RABGAP1: variants seen among roughly 807,000 people sequenced by gnomAD.
RABGAP1 encodes the protein rab GTPase-activating protein 1.
In RABGAP1, 23 loss-of-function variants were observed where a neutral mutation model predicts 137.6. The ratio of observed to expected loss-of-function variants is 0.17; its 90% confidence interval spans 0.12 to 0.24. RABGAP1 has a LOEUF of 0.24. RABGAP1 is among the 10% of genes least tolerant of loss of function. The pLI is 1.00. For synonymous variants in RABGAP1, 451 were observed against 450.7 expected, an observed-to-expected ratio of 1.00 and a Z score of -0.01; for missense variants, 906 against 1,275.8, an observed-to-expected ratio of 0.71 and a Z score of 4.42.
intron 13 of RABGAP1, among the ~76,000 whole-genome samples, chr9:123,043,678 A>G (rs1228309606): frequency 6.6e-6 from 1 of 152,082 alleles, no homozygotes; most frequent in Non-Finnish European, 1.5e-5. Flanking sequence ...CTACAGTAGC[A>G]TCTTCCATAG....
At position 122,954,919 on chromosome 9, in the gene RABGAP1, CAAATT is replaced by C. The variant is rs531052937; in HGVS notation, c.-49-2088_-49-2084del. Among the ~76,000 whole-genome samples the C allele has an allele frequency of 7.4e-4, 113 of 152,182 alleles. 2 individuals are homozygous for C. Among genetic ancestry groups the C allele is most frequent in the Admixed American group, 2.1e-3 (32 of 15,278 alleles). On this transcript the variant is annotated intron_variant, in intron 1 of 25. Coordinates refer to ENST00000373647, the MANE Select transcript of RABGAP1 (RefSeq NM_012197.4). ...CCTCATTTTTGAAATAGAGATGTGA[CAAATT>C]AAAAGGCACTCACCATTAAATTATA...
intron 2 of RABGAP1, among the ~76,000 whole-genome samples, chr9:122,974,882 TAAAG>T (rs1301992905): frequency 6.6e-6 from 1 of 152,200 alleles, no homozygotes; most frequent in East Asian, 1.9e-4. Flanking sequence ...AAGTAAATCA[TAAAG>T]AAATTTACTG....
At chr9:123,022,453 G>A (rs2031698664) in intron 13 of RABGAP1, among the ~76,000 whole-genome samples, 1 of 152,058 alleles carries the variant, frequency 6.6e-6, no homozygotes, top group Non-Finnish European at 1.5e-5. Flanking sequence ...CCTGGCTAGA[G>A]TGCAGTGCAG....
intron 11 of RABGAP1, among the ~76,000 whole-genome samples, chr9:123,014,116 C>T (rs986359395): frequency 2.6e-5 from 4 of 152,096 alleles, no homozygotes; most frequent in African/African-American, 7.2e-5. Context: ...ATCCTGATTC[C>T]GTTTGTAGCA....
chr9:123,005,503 G>T (rs561504105), intron 10 of RABGAP1, among the ~76,000 whole-genome samples: 50 of 152,172 alleles, frequency 3.3e-4, no homozygotes, highest in African/African-American at 1.2e-3. Flanking sequence ...ATAAAAATTA[G>T]CATACTCCAT....
In RABGAP1 at chr9:122,984,609, G is replaced by T; in HGVS notation, c.275G>T (p.Gly92Val). 1.9e-6 allele frequency: 3 copies of T among 1,614,192 alleles called. No homozygotes were observed. The highest frequency in any genetic ancestry group is 2.5e-6 in the Non-Finnish European group (3 of 1,180,038). Residue 92 changes from glycine (G) to valine (V), a missense_variant, in exon 3 of 26, where the codon GGA (glycine) becomes GTA (valine). Transcript: ENST00000373647. ...AAAAGGTCACAACTGGATGGTGAAG[G>T]AGATGGGCCTCTTTCTAATCAGCTC... ...LVKRSQLDGE[G>V]DGPLSNQLSA...
chr9:122,942,987 G>A (rs1833685999), intron 1 of RABGAP1, among the ~76,000 whole-genome samples: 1 of 151,598 alleles, frequency 6.6e-6, no homozygotes, highest in Admixed American at 6.6e-5. Flanking sequence ...ACTCTAGCCT[G>A]GGTAACACAG....
At chr9:123,039,944 G>T (rs532456184) in intron 13 of RABGAP1, among the ~76,000 whole-genome samples, 186 of 152,220 alleles carry the variant, frequency 1.2e-3, no homozygotes, top group Non-Finnish European at 1.9e-3. Context: ...CCAGAAAGAA[G>T]TATTTCCTTG....
intron 10 of RABGAP1, among the ~76,000 whole-genome samples, chr9:123,006,885 A>T (rs2030325031): frequency 6.6e-6 from 1 of 152,222 alleles, no homozygotes; most frequent in African/African-American, 2.4e-5. Flanking sequence ...CTGGGATTAC[A>T]GGCGTGAGCC....
chr9:122,935,823 T>G, the RABGAP1 span, among the ~76,000 whole-genome samples: 2 of 152,232 alleles, frequency 1.3e-5, no homozygotes, highest in Non-Finnish European at 2.9e-5. Flanking sequence ...TGTCGGTTTC[T>G]CTTTAGCATT....
At chr9:123,008,833 C>A (rs1241115012) in intron 10 of RABGAP1, among the ~76,000 whole-genome samples, 1 of 151,964 alleles carries the variant, frequency 6.6e-6, no homozygotes, top group African/African-American at 2.4e-5. Context: ...AAGAATGTTA[C>A]AAAAAGATTA....
intron 2 of RABGAP1, among the ~76,000 whole-genome samples, chr9:122,973,018 T>C (rs906703022): frequency 5.3e-5 from 8 of 151,678 alleles, no homozygotes; most frequent in Admixed American, 6.6e-5. Context: ...CTTTTTTTTT[T>C]AACCTAGTCA....
Position 123,065,449 on chromosome 9 carries a change from T to C in RABGAP1, c.1896T>C (p.Tyr632=), listed in dbSNP as rs2034137678. 5.0e-6 allele frequency: 8 copies of C among 1,598,146 alleles called. No individual in the cohort carries two copies. Among genetic ancestry groups the C allele is most frequent in the Non-Finnish European group, 6.9e-6 (8 of 1,166,272 alleles). ...GAGGAGATGGACAAGATTCCTTATA[T>C]AAAATATGCAAGGTATTTCATGTCA... is the stretch of plus-strand genomic sequence containing the variant. The part of the protein sequence containing the change: ...DTGGDGQDSL[Y]KICKAYSVYD... Residue 632 remains tyrosine (Y), a synonymous_variant, in exon 14 of 26, where the codon TAT becomes TAC. Coordinates refer to ENST00000373647, the MANE Select transcript of RABGAP1 (RefSeq NM_012197.4).
rs570739708 is a variant in RABGAP1 at position 123,065,247 on chromosome 9, G to C, written c.1795-101G>C. The C allele has an allele frequency of 4.4e-4, 361 of 824,210 alleles. 6 individuals carry two copies. In the South Asian group the frequency reaches 5.8e-3, roughly 13 times the overall value. 51.1% of individuals were successfully genotyped at this position (824,210 alleles called of 1,614,324 possible). On this transcript the variant is annotated intron_variant, in intron 13 of 25. Coordinates refer to ENST00000373647, the MANE Select transcript of RABGAP1 (RefSeq NM_012197.4). ...CATACATATGTGTATGTATGTCCCT[G>C]CAACATTTAAAGTGTGTAAATGAGA...
rs1232869657 is a variant in RABGAP1, at chr9:123,101,609, A to G, written c.2933A>G (p.Lys978Arg). 1 of 1,614,106 alleles carries G rather than the reference A, an allele frequency of 6.2e-7. No homozygotes were observed. The highest frequency in any genetic ancestry group is 1.7e-5 in the Admixed American group (1 of 60,014). The change falls in exon 25 of 26, where the codon AAA (lysine) becomes AGA (arginine). Residue 978 changes from lysine (K) to arginine (R), a missense_variant. Physicochemically the swap from Lys to Arg is conservative, Grantham distance 26 (BLOSUM62 2). Coordinates refer to ENST00000373647, the MANE Select transcript of RABGAP1 (RefSeq NM_012197.4). ...DCERCREFFN[K>R]EGRVKGISST... is the part of the protein sequence containing the mutation. ...GAGCGGTGCCGGGAATTTTTCAACAAAGAAGGGCGTGTAAAAGGCATAAGC... is the reference window on the plus strand; with the variant it reads ...GAGCGGTGCCGGGAATTTTTCAACAGAGAAGGGCGTGTAAAAGGCATAAGC...
chr9:122,944,185 A>G (rs1833792968), intron 1 of RABGAP1, among the ~76,000 whole-genome samples: 1 of 152,086 alleles, frequency 6.6e-6, no homozygotes, highest in South Asian at 2.1e-4. Context: ...ATAATCAGGT[A>G]TCAGTAGACT....
intron 2 of RABGAP1, among the ~76,000 whole-genome samples, chr9:122,968,925 A>T (rs1318882211): frequency 1.3e-5 from 2 of 152,158 alleles, no homozygotes; most frequent in Non-Finnish European, 2.9e-5. Context: ...AGTTATTTTT[A>T]AATGTACAAT....
chr9:122,940,784 A>C (rs1466381446), upstream of RABGAP1: 1 of 152,748 alleles, frequency 6.5e-6, no homozygotes, highest in East Asian at 1.9e-4. Context: ...CCAAATACAC[A>C]AGACAGCCCA....
intron 10 of RABGAP1, among the ~76,000 whole-genome samples, chr9:123,000,131 T>C (rs1837243318): frequency 6.6e-6 from 1 of 152,202 alleles, no homozygotes; most frequent in Non-Finnish European, 1.5e-5. Context: ...CTGCTAATTT[T>C]CATGTATGAT....
Sources: gnomAD v4.1 joint callset for allele counts (sites outside exome capture counted in the v4.1 genomes callset) on GRCh38, gnomAD v4.1.1 for gene constraint, MANE v1.5 for transcripts, NCBI Gene and HGNC (gene_info 2026-07-23, HGNC 2026-07-21) for gene names.